The following PSPC1 variants were observed in gnomAD, a reference collection of about 807,000 sequenced individuals.
The protein encoded by PSPC1 is paraspeckle component 1, also known as paraspeckle protein 1.
In PSPC1, 14 loss-of-function variants were observed where a neutral mutation model predicts 51.6. That is an observed-to-expected ratio of 0.27 (90% CI 0.18 to 0.42). The LOEUF (loss-of-function observed/expected upper bound fraction) is 0.42. PSPC1 is among the 10% of genes least tolerant of loss of function. PSPC1 has a pLI of 1.00. For missense variants in PSPC1, 406 were observed against 701.1 expected (o/e 0.58, Z 4.75); for synonymous variants, 193 against 231.9 (o/e 0.83, Z 1.53).
intron 6 of PSPC1, among the ~76,000 whole-genome samples, chr13:19,721,774 T>G (rs1882795949): frequency 6.6e-6 from 1 of 152,182 alleles, no homozygotes. Flanking sequence ...CCTGTAAGTC[T>G]AATACTCTGA....
chr13:19,773,127 T>C (rs866957717), intron 1 of PSPC1, among the ~76,000 whole-genome samples: 31 of 151,896 alleles, frequency 2.0e-4, no homozygotes, highest in African/African-American at 7.5e-4. Context: ...GCTACTGCAC[T>C]CCAGCCTGGT....
intron 6 of PSPC1, among the ~76,000 whole-genome samples, chr13:19,727,504 A>G (rs1005006790): frequency 1.3e-5 from 2 of 152,268 alleles, no homozygotes; most frequent in African/African-American, 2.4e-5. Context: ...ACTACATGAT[A>G]CAATAACTAA....
intron 6 of PSPC1, among the ~76,000 whole-genome samples, chr13:19,717,788 G>C (rs768478622): frequency 9.2e-5 from 14 of 151,360 alleles, no homozygotes; most frequent in Non-Finnish European, 1.5e-4. Context: ...TGAGACAGGA[G>C]AATCACTTGA....
chr13:19,738,045 G>A (rs1396402602), intron 5 of PSPC1, among the ~76,000 whole-genome samples: 1 of 152,146 alleles, frequency 6.6e-6, no homozygotes, highest in Non-Finnish European at 1.5e-5. Context: ...AGCTATGATT[G>A]AGACACTGCA....
chr13:19,769,675 C>A (rs1888436676), intron 2 of PSPC1, among the ~76,000 whole-genome samples: 1 of 149,720 alleles, frequency 6.7e-6, no homozygotes, highest in South Asian at 2.1e-4. Flanking sequence ...GCAGACGTTG[C>A]AGCGAGCTGA....
In PSPC1 at chr13:19,694,100, G is replaced by A. The variant is rs1434531779; in HGVS notation, c.1159-16277C>T. On this transcript the variant is annotated intron_variant and NMD_transcript_variant, in intron 6 of 7. Transcript: ENST00000471658. ...ATCGCACCACTGCACTCCAGCCTGGGTGACAGAGCGAGACTCCATCTCAAA... is the reference window on the plus strand; with the variant it reads ...ATCGCACCACTGCACTCCAGCCTGGATGACAGAGCGAGACTCCATCTCAAA... 5.8e-5 allele frequency among the ~76,000 whole-genome samples: 8 copies of A among 137,568 alleles called. No individual in the cohort carries two copies. In the Admixed American group the frequency reaches 6.0e-4, roughly 10 times the overall value. The allele number at this position is 137,568 out of a possible 152,430, so 90.2% of individuals were successfully genotyped here.
At chr13:19,675,436 A>G (rs182672989) in intron 7 of PSPC1, 4 of 152,332 alleles carry the variant, frequency 2.6e-5, no homozygotes, top group Admixed American at 2.6e-4. Flanking sequence ...AAAACCCTCA[A>G]TGCAAAGGAA....
At chr13:19,755,659 T>C (rs1266713488) in intron 3 of PSPC1, among the ~76,000 whole-genome samples, 1 of 151,984 alleles carries the variant, frequency 6.6e-6, no homozygotes, top group Non-Finnish European at 1.5e-5. Flanking sequence ...TGAAATACTC[T>C]CCTCCCTTGC....
chr13:19,691,860 G>T (rs1878597684), intron 6 of PSPC1, among the ~76,000 whole-genome samples: 1 of 152,112 alleles, frequency 6.6e-6, no homozygotes, highest in Non-Finnish European at 1.5e-5. Context: ...GGATGTTGCA[G>T]TGAGCAGAGA....
chr13:19,739,949 A>G (rs1279057921), intron 5 of PSPC1, among the ~76,000 whole-genome samples: 3 of 151,434 alleles, frequency 2.0e-5, no homozygotes, highest in East Asian at 3.9e-4. Flanking sequence ...CCTCACCACT[A>G]TTGTTTCTCA....
intron 4 of PSPC1, among the ~76,000 whole-genome samples, chr13:19,747,765 G>A (rs1312558313): frequency 6.6e-6 from 1 of 152,100 alleles, no homozygotes; most frequent in Non-Finnish European, 1.5e-5. Context: ...CTACAAAAAA[G>A]CAGAAGGTAG....
chr13:19,715,821 A>G (rs906079790), intron 6 of PSPC1, among the ~76,000 whole-genome samples: 1 of 151,932 alleles, frequency 6.6e-6, no homozygotes, highest in African/African-American at 2.4e-5. Context: ...AGACCATCCT[A>G]GCTAACACGG....
intron 5 of PSPC1, among the ~76,000 whole-genome samples, chr13:19,741,021 C>T (rs922734207): frequency 2.6e-5 from 4 of 151,944 alleles, no homozygotes; most frequent in African/African-American, 4.8e-5. Flanking sequence ...ATTACAGGCG[C>T]GTGCCACCAC....
chr13:19,742,559 C>T (rs1477585097), intron 4 of PSPC1, among the ~76,000 whole-genome samples: 6 of 152,014 alleles, frequency 3.9e-5, no homozygotes, highest in Non-Finnish European at 8.8e-5. Context: ...GCCAACATGG[C>T]GCAACCCCAT....
At chr13:19,694,180 C>T (rs867014389) in intron 6 of PSPC1, among the ~76,000 whole-genome samples, 2 of 131,464 alleles carry the variant, frequency 1.5e-5, no homozygotes, top group Non-Finnish European at 3.2e-5. Context: ...TACACACATA[C>T]ACACACACAC....
intron 2 of PSPC1, among the ~76,000 whole-genome samples, chr13:19,765,523 C>CAGG (rs139397536): frequency 6.9e-6 from 1 of 143,912 alleles, no homozygotes; most frequent in African/African-American, 2.6e-5. Flanking sequence ...TTTTGAGAGA[C>CAGG]GGGTCTCACG....
chr13:19,730,145 AGAC>A, intron 6 of PSPC1, 91 bp downstream of exon 6: 3 of 927,620 alleles, frequency 3.2e-6, no homozygotes, highest in Non-Finnish European at 3.4e-6. Flanking sequence ...AGATTAGAAA[AGAC>A]TACTGTATAA....
intron 1 of PSPC1, among the ~76,000 whole-genome samples, chr13:19,778,199 G>A (rs1031588721): frequency 9.9e-5 from 15 of 150,870 alleles, no homozygotes; most frequent in African/African-American, 2.9e-4. Context: ...CCAAGATCCC[G>A]CCACTGCACT....
intron 6 of PSPC1, among the ~76,000 whole-genome samples, chr13:19,722,212 A>T (rs1304418555): frequency 1.3e-5 from 2 of 152,200 alleles, no homozygotes; most frequent in South Asian, 4.1e-4. Context: ...TGAACATAAA[A>T]AGGACCAGGT....
Sources: gnomAD v4.1 joint callset for allele counts (sites outside exome capture counted in the v4.1 genomes callset) on GRCh38, gnomAD v4.1.1 for gene constraint, MANE v1.5 for transcripts, NCBI Gene and HGNC (gene_info 2026-07-23, HGNC 2026-07-21) for gene names.